Variants in ESRRG observed in about 807,000 individuals in gnomAD.
ESRRG encodes the protein estrogen-related receptor gamma.
A neutral mutation model predicts 44.0 loss-of-function variants in ESRRG; 13 were observed. The ratio of observed to expected loss-of-function variants is 0.30; its 90% confidence interval spans 0.19 to 0.47. ESRRG has a LOEUF of 0.47. Ranked by LOEUF, ESRRG falls within the 20% of genes least tolerant of loss-of-function variation. ESRRG has a pLI of 1.00. For missense variants in ESRRG, 395 were observed against 580.6 expected, an observed-to-expected ratio of 0.68 and a Z score of 3.29; for synonymous variants, 215 against 214.6, an observed-to-expected ratio of 1.00 and a Z score of -0.02.
chr1:216,569,927 GT>G (rs2060479831), intron 3 of ESRRG, among the ~76,000 whole-genome samples: 1 of 152,068 alleles, frequency 6.6e-6, no homozygotes, highest in African/African-American at 2.4e-5. Context: ...CAGAGCTCCA[GT>G]TTTTTTGGAA....
chr1:216,666,422 T>C (rs1235707463), intron 2 of ESRRG, among the ~76,000 whole-genome samples: 1 of 152,214 alleles, frequency 6.6e-6, no homozygotes, highest in East Asian at 1.9e-4. Context: ...TCATTCCTAT[T>C]GTTTTGCTCT....
chr1:216,567,385 T>C (rs934808328), intron 4 of ESRRG, among the ~76,000 whole-genome samples: 5 of 152,132 alleles, frequency 3.3e-5, no homozygotes, highest in Non-Finnish European at 7.3e-5. Flanking sequence ...CATAAAACCA[T>C]GAGCTCTTTA....
chr1:216,856,958 C>G (rs2095953837), intron 2 of ESRRG, among the ~76,000 whole-genome samples: 1 of 152,056 alleles, frequency 6.6e-6, no homozygotes, highest in Non-Finnish European at 1.5e-5. Context: ...CTTATTAAGG[C>G]CCACTAAAAT....
chr1:217,016,610 C>A (rs770662088), intron 1 of ESRRG, among the ~76,000 whole-genome samples: 3 of 152,044 alleles, frequency 2.0e-5, no homozygotes, highest in Non-Finnish European at 4.4e-5. Context: ...GGCTGGAAAT[C>A]CTGTTTTAGC....
At chr1:216,650,580 G>A (rs2068697321) in intron 3 of ESRRG, among the ~76,000 whole-genome samples, 1 of 151,900 alleles carries the variant, frequency 6.6e-6, no homozygotes, top group East Asian at 1.9e-4. Flanking sequence ...AAAGAACAAA[G>A]AGTGCTTTAA....
At chr1:217,043,767 C>T (rs927401938) in intron 1 of ESRRG, among the ~76,000 whole-genome samples, 1 of 151,918 alleles carries the variant, frequency 6.6e-6, no homozygotes, top group Non-Finnish European at 1.5e-5. Context: ...CATACAGGAA[C>T]AAGTCAAAAA....
rs115113769 is a variant in ESRRG at position 216,513,097 on chromosome 1, T to C, written c.1133-5914A>G. On this transcript the variant is annotated intron_variant, in intron 6 of 6. Transcript: ENST00000408911. ...ACTGTAAGAGAATAAATATGTGTCATTTAAAGCCATCAAGTTATGGTCATT... is the reference window on the plus strand; with the variant it reads ...ACTGTAAGAGAATAAATATGTGTCACTTAAAGCCATCAAGTTATGGTCATT... 2.1e-3 allele frequency among the ~76,000 whole-genome samples: 320 copies of C among 152,330 alleles called. 1 individual carries two copies. The highest frequency in any genetic ancestry group is 7.2e-3 in the African/African-American group (301 of 41,578).
At chr1:216,914,765 A>G (rs2060930897) in intron 2 of ESRRG, among the ~76,000 whole-genome samples, 2 of 152,140 alleles carry the variant, frequency 1.3e-5, no homozygotes, top group South Asian at 4.1e-4. Flanking sequence ...TGAGGTCACC[A>G]TCTCTCCCAT....
chr1:216,873,367 A>G (rs1382525979), intron 2 of ESRRG, among the ~76,000 whole-genome samples: 1 of 152,036 alleles, frequency 6.6e-6, no homozygotes, highest in Non-Finnish European at 1.5e-5. Flanking sequence ...GCCAGCCAGC[A>G]CACCCGGCTA....
chr1:216,624,434 AG>A (rs1327690659), intron 3 of ESRRG, among the ~76,000 whole-genome samples: 2 of 152,236 alleles, frequency 1.3e-5, no homozygotes, highest in Non-Finnish European at 2.9e-5. Flanking sequence ...CATGACCCTC[AG>A]GTCCAAGTGC....
At chr1:216,902,585 A>G (rs1214663451) in intron 2 of ESRRG, among the ~76,000 whole-genome samples, 1 of 152,186 alleles carries the variant, frequency 6.6e-6, no homozygotes, top group Admixed American at 6.5e-5. Context: ...TCATGCTCCC[A>G]CATATTGCCC....
intron 1 of ESRRG, among the ~76,000 whole-genome samples, chr1:216,690,056 TA>T (rs1269814672): frequency 4.6e-5 from 7 of 152,074 alleles, no homozygotes; most frequent in African/African-American, 9.7e-5. Flanking sequence ...TGGAAGTTTC[TA>T]ATAAAGTTAA....
intron 2 of ESRRG, among the ~76,000 whole-genome samples, chr1:216,830,864 T>A (rs140581918): frequency 6.6e-6 from 1 of 152,240 alleles, no homozygotes; most frequent in East Asian, 1.9e-4. Context: ...AGGCTATAAA[T>A]AATGTGCTAA....
At chr1:216,800,966 C>T (rs533548435) in intron 2 of ESRRG, among the ~76,000 whole-genome samples, 23 of 152,154 alleles carry the variant, frequency 1.5e-4, no homozygotes, top group Non-Finnish European at 2.5e-4. Flanking sequence ...GATATTCATT[C>T]AATTTCACAC....
At chr1:217,099,946 G>T (rs2092483343) in intron 1 of ESRRG, among the ~76,000 whole-genome samples, 1 of 151,748 alleles carries the variant, frequency 6.6e-6, no homozygotes, top group South Asian at 2.1e-4. Context: ...TAATAATGTT[G>T]GATGAATGCT....
intron 3 of ESRRG, among the ~76,000 whole-genome samples, chr1:216,644,554 G>A (rs1574653162): frequency 6.6e-6 from 1 of 150,998 alleles, no homozygotes; most frequent in Admixed American, 6.6e-5. Context: ...TCAGCCTCTG[G>A]AGTAGCTGAG....
intron 1 of ESRRG, among the ~76,000 whole-genome samples, chr1:217,035,038 A>G (rs2082638087): frequency 6.6e-6 from 1 of 152,202 alleles, no homozygotes; most frequent in African/African-American, 2.4e-5. Context: ...AAGATAGAGC[A>G]GGCTAGTCCA....
intron 2 of ESRRG, among the ~76,000 whole-genome samples, chr1:216,779,938 A>T (rs1023592688): frequency 1.3e-5 from 2 of 151,918 alleles, no homozygotes; most frequent in African/African-American, 4.8e-5. Flanking sequence ...TGCCATGTAT[A>T]AAGTGACTAG....
chr1:217,075,603 T>C (rs1285830768), intron 1 of ESRRG, among the ~76,000 whole-genome samples: 1 of 134,126 alleles, frequency 7.5e-6, no homozygotes, highest in Non-Finnish European at 1.6e-5. Flanking sequence ...CCCCCCAACA[T>C]TAATTACTAG....
Sources: allele counts gnomAD v4.1 joint callset (sites outside exome capture counted in the v4.1 genomes callset), GRCh38; gene constraint gnomAD v4.1.1; transcripts MANE v1.5; gene names NCBI Gene and HGNC (gene_info 2026-07-23, HGNC 2026-07-21).